GLG1: variants seen among roughly 807,000 people sequenced by gnomAD.
The protein encoded by GLG1 is Golgi apparatus protein 1.
A neutral mutation model predicts 160.5 loss-of-function variants in GLG1; 38 were observed. That is an observed-to-expected ratio of 0.24 (90% CI 0.18 to 0.31). GLG1 has a LOEUF of 0.31. GLG1 is among the 10% of genes least tolerant of loss of function. The pLI is 1.00. For missense variants in GLG1, 1,373 were observed against 1,505.2 expected (o/e 0.91, Z 1.45); for synonymous variants, 644 against 543.4 (o/e 1.19, Z -2.57).
At chr16:74,598,414 G>A (rs1043699438) in intron 1 of GLG1, among the ~76,000 whole-genome samples, 6 of 151,444 alleles carry the variant, frequency 4.0e-5, no homozygotes, top group African/African-American at 1.2e-4. Flanking sequence ...CCAGCTACTC[G>A]GGAGGCTGAG....
At chr16:74,534,962 A>G (rs890774034) in intron 1 of GLG1, among the ~76,000 whole-genome samples, 2 of 152,176 alleles carry the variant, frequency 1.3e-5, no homozygotes, top group Non-Finnish European at 2.9e-5. Flanking sequence ...ATACAATATG[A>G]GCAGAGGATT....
chr16:74,457,765 A>C, intron 24 of GLG1, 109 bp downstream of exon 24: 1 of 963,146 alleles, frequency 1.0e-6, no homozygotes, highest in East Asian at 2.4e-5. Flanking sequence ...TGACTGGGCT[A>C]CAACTACAGA....
chr16:74,468,730 G>T (rs2015091799), intron 17 of GLG1: 4 of 554,514 alleles, frequency 7.2e-6, no homozygotes, highest in Non-Finnish European at 1.3e-5. Flanking sequence ...CTTACAGCTG[G>T]ACTTCCAGTT....
chr16:74,494,452 G>A (rs2016112880), intron 6 of GLG1, among the ~76,000 whole-genome samples: 1 of 134,214 alleles, frequency 7.5e-6, no homozygotes, highest in Non-Finnish European at 1.5e-5. Context: ...TGTCACCCAG[G>A]CTGGAGTGCA....
At chr16:74,602,716 G>A (rs1311534430) in intron 1 of GLG1, among the ~76,000 whole-genome samples, 2 of 152,052 alleles carry the variant, frequency 1.3e-5, no homozygotes, top group Non-Finnish European at 1.5e-5. Context: ...TCGGGAGGCT[G>A]AGGTTGCAGT....
chr16:74,484,307 C>A (rs2015713666), intron 9 of GLG1, among the ~76,000 whole-genome samples: 1 of 152,042 alleles, frequency 6.6e-6, no homozygotes, highest in Non-Finnish European at 1.5e-5. Flanking sequence ...GGGAAAGCTG[C>A]TCTTACTTGC....
At position 74,448,140 on chromosome 16, in the gene GLG1, T is replaced by C. The variant is rs542411505; in HGVS notation, c.*5027A>G. 5 of 152,350 alleles carry C rather than the reference T, an allele frequency of 3.3e-5. No individual in the cohort carries two copies. The South Asian group carries it at 1.0e-3, about 32-fold the overall frequency. 9.4% of individuals were successfully genotyped at this position (152,350 alleles called of 1,614,324 possible). On this transcript the variant is annotated 3_prime_UTR_variant, in exon 26 of 26. Transcript: ENST00000422840. Reference sequence around the variant, plus strand: ...TCACCAGATGGCTTTGGGGAGCTCTTCACCCTAAAGATTCGGTCTGGTTTG... The same window carrying C: ...TCACCAGATGGCTTTGGGGAGCTCTCCACCCTAAAGATTCGGTCTGGTTTG...
intron 1 of GLG1, among the ~76,000 whole-genome samples, chr16:74,565,492 C>T (rs993208858): frequency 1.3e-5 from 2 of 152,206 alleles, no homozygotes; most frequent in African/African-American, 4.8e-5. Context: ...CTGCAACCTA[C>T]TCCTGTAACA....
intron 1 of GLG1, among the ~76,000 whole-genome samples, chr16:74,595,895 G>T (rs148878408): frequency 6.6e-6 from 1 of 151,886 alleles, no homozygotes; most frequent in Non-Finnish European, 1.5e-5. Context: ...AGGCCAAGGC[G>T]GGTGGATCAC....
At chr16:74,551,241 C>T (rs2018189811) in intron 1 of GLG1, among the ~76,000 whole-genome samples, 1 of 152,104 alleles carries the variant, frequency 6.6e-6, no homozygotes, top group African/African-American at 2.4e-5. Context: ...TAGTCCTGAG[C>T]TGGCAAAATG....
At chr16:74,454,354 C>G (rs2014441591) in intron 25 of GLG1, among the ~76,000 whole-genome samples, 2 of 151,592 alleles carry the variant, frequency 1.3e-5, no homozygotes, top group Non-Finnish European at 2.9e-5. Flanking sequence ...TACAAGTGCA[C>G]CACCATGCCT....
At chr16:74,576,121 C>T (rs1199014583) in intron 1 of GLG1, among the ~76,000 whole-genome samples, 4 of 151,784 alleles carry the variant, frequency 2.6e-5, no homozygotes, top group East Asian at 1.9e-4. Flanking sequence ...TGCTTGAACC[C>T]GGGAGGTGAA....
intron 2 of GLG1, among the ~76,000 whole-genome samples, chr16:74,522,635 T>A (rs1166787202): frequency 6.6e-6 from 1 of 152,166 alleles, no homozygotes; most frequent in Non-Finnish European, 1.5e-5. Flanking sequence ...TATTATCAAT[T>A]TTTTTACTTT....
At position 74,515,311 on chromosome 16, in the gene GLG1, A is replaced by G. The variant is rs142671801; in HGVS notation, c.472-6386T>C. 7.2e-5 allele frequency among the ~76,000 whole-genome samples: 11 copies of G among 152,336 alleles called. No homozygotes were observed. The East Asian group carries it at 2.1e-3, about 29-fold the overall frequency. ...GCGGGCAGACCTAATAGACATCTAC[A>G]GAACTCTCCACCCCAAATCAACAGA... On this transcript the variant is annotated intron_variant, in intron 2 of 25. Transcript: ENST00000422840.
intron 1 of GLG1, among the ~76,000 whole-genome samples, chr16:74,599,119 T>C (rs984776575): frequency 2.6e-5 from 4 of 152,188 alleles, no homozygotes; most frequent in African/African-American, 9.6e-5. Flanking sequence ...TAAAAAGTAT[T>C]TGCCATAAAC....
intron 1 of GLG1, among the ~76,000 whole-genome samples, chr16:74,579,841 G>GATCA (rs1957899418): frequency 2.0e-5 from 3 of 152,066 alleles, no homozygotes; most frequent in Admixed American, 2.0e-4. Flanking sequence ...AAGGCAGGTG[G>GATCA]ATCACAAGGT....
At chr16:74,600,746 A>C (rs12444414) in intron 1 of GLG1, among the ~76,000 whole-genome samples, 16,925 of 149,668 alleles carry the variant, frequency 0.11, 1,294 homozygotes, top group Non-Finnish European at 0.16. Context: ...AAAAAAAAAA[A>C]AAAAAAAACA....
In GLG1 at chr16:74,602,857, A is replaced by C. The variant is rs78036103; in HGVS notation, c.438+3800T>G. ...AGGGACTCATTACCCTATTCTCTCT[A>C]CTTCTGTGTAAGAAAATCTATGGGG... On this transcript the variant is annotated intron_variant, in intron 1 of 25. Transcript: ENST00000422840. Among the ~76,000 whole-genome samples the C allele has an allele frequency of 2.5e-3, 385 of 151,138 alleles. 3 individuals are homozygous for C. Among genetic ancestry groups the C allele is most frequent in the Non-Finnish European group, 2.8e-3 (192 of 67,890 alleles).
In GLG1 at chr16:74,560,362, C is replaced by G. The variant is rs2018476854; in HGVS notation, c.439-28209G>C. Among the ~76,000 whole-genome samples, 3 of 134,788 alleles carry G rather than the reference C, an allele frequency of 2.2e-5. No individual in the cohort carries two copies. The South Asian group carries it at 7.0e-4, about 31-fold the overall frequency. 88.4% of individuals were successfully genotyped at this position (134,788 alleles called of 152,430 possible). A position where few individuals can be genotyped will look rare whatever the true frequency, so the allele number is the denominator to read the frequency against. On this transcript the variant is annotated intron_variant, in intron 1 of 25. Coordinates refer to ENST00000422840, the MANE Select transcript of GLG1 (RefSeq NM_001145667.2). The stretch of plus-strand genomic sequence containing the variant: ...TTTTTTTTTGAGACGGAGTCTCACT[C>G]TGTCGCCCAGGCTGGAGTGCAATGG...
Sources: gnomAD v4.1 joint callset for allele counts (sites outside exome capture counted in the v4.1 genomes callset) on GRCh38, gnomAD v4.1.1 for gene constraint, MANE v1.5 for transcripts, NCBI Gene and HGNC (gene_info 2026-07-23, HGNC 2026-07-21) for gene names.